Variants in DOCK1 observed in about 807,000 individuals in gnomAD.
DOCK1 encodes the protein dedicator of cytokinesis 1, also known as dedicator of cytokinesis protein 1.
In DOCK1, 138 loss-of-function variants were observed where a neutral mutation model predicts 262.7. That is an observed-to-expected ratio of 0.53 (90% confidence interval 0.46 to 0.61). The LOEUF (loss-of-function observed/expected upper bound fraction) is 0.61, where lower values mean the gene tolerates loss of function less well. Among genes scored for constraint, DOCK1 ranks in the 20% least tolerant of loss-of-function variants. The pLI is 0.00. For missense variants in DOCK1, 1,908 were observed against 2,370.7 expected (o/e 0.80, Z 4.05); for synonymous variants, 866 against 867.4 (o/e 1.00, Z 0.03).
At chr10:127,286,866 CT>C (rs1328855176) in intron 29 of DOCK1, among the ~76,000 whole-genome samples, 1,737 of 142,382 alleles carry the variant, frequency 0.012, 30 homozygotes, top group African/African-American at 0.037. Flanking sequence ...TACTTTTTTT[CT>C]TTTTTTTTTT....
chr10:127,347,268 C>T (rs1401514824), intron 31 of DOCK1, among the ~76,000 whole-genome samples: 4 of 152,174 alleles, frequency 2.6e-5, no homozygotes, highest in East Asian at 1.9e-4. Context: ...GTCCCGGTGC[C>T]GGGGACAAAG....
At chr10:126,949,945 T>C (rs2036049004) in intron 1 of DOCK1, among the ~76,000 whole-genome samples, 1 of 152,036 alleles carries the variant, frequency 6.6e-6, no homozygotes, top group South Asian at 2.1e-4. Flanking sequence ...GCATGCAGTG[T>C]TGTGGCTAGG....
intron 29 of DOCK1, among the ~76,000 whole-genome samples, chr10:127,291,653 C>T (rs1177547399): frequency 1.3e-5 from 2 of 152,202 alleles, no homozygotes; most frequent in Non-Finnish European, 2.9e-5. Flanking sequence ...GCAGCTGAGC[C>T]TGCATCCCCA....
At chr10:127,204,089 C>T (rs1474643279) in intron 27 of DOCK1, among the ~76,000 whole-genome samples, 3 of 152,050 alleles carry the variant, frequency 2.0e-5, no homozygotes, top group Non-Finnish European at 4.4e-5. Context: ...GGCACCTTCT[C>T]CCCCTTGCCT....
Position 126,921,502 on chromosome 10 carries a change from A to G in DOCK1, c.46+15939A>G, listed in dbSNP as rs116076054. Among the ~76,000 whole-genome samples, 945 of 152,342 alleles carry G rather than the reference A, an allele frequency of 6.2e-3. 10 individuals are homozygous for G. The highest frequency in any genetic ancestry group is 0.022 in the African/African-American group (902 of 41,588). On this transcript the variant is annotated intron_variant, in intron 1 of 51. Coordinates refer to ENST00000623213, the MANE Select transcript of DOCK1 (RefSeq NM_001290223.2). ...TCTGTTTATATGAAATGTCCAGAAT[A>G]GGCAAATCTGTAGGCACAGAAAGCA...
chr10:127,376,016 A>G (rs1021137927), intron 35 of DOCK1, among the ~76,000 whole-genome samples: 30 of 152,218 alleles, frequency 2.0e-4, no homozygotes, highest in African/African-American at 7.0e-4. Flanking sequence ...TACCCAGTCC[A>G]TCATATTCAC....
intron 27 of DOCK1, chr10:127,145,870 C>A (rs1592214105): frequency 2.5e-6 from 1 of 399,032 alleles, no homozygotes; most frequent in South Asian, 1.9e-5. Flanking sequence ...TTGTGTGTGT[C>A]ATCTGGTGTC....
intron 27 of DOCK1, among the ~76,000 whole-genome samples, chr10:127,230,616 G>T (rs1280756006): frequency 6.6e-6 from 1 of 152,050 alleles, no homozygotes; most frequent in Non-Finnish European, 1.5e-5. Flanking sequence ...TGTTTCATTG[G>T]TCGATGAGTC....
chr10:127,217,522 A>C (rs980171471), intron 27 of DOCK1, among the ~76,000 whole-genome samples: 1 of 152,084 alleles, frequency 6.6e-6, no homozygotes, highest in African/African-American at 2.4e-5. Flanking sequence ...ACATATCTTT[A>C]TTTTCAGTTA....
At chr10:127,114,957 G>A (rs995023773) in intron 25 of DOCK1, among the ~76,000 whole-genome samples, 2 of 151,952 alleles carry the variant, frequency 1.3e-5, no homozygotes, top group Non-Finnish European at 2.9e-5. Flanking sequence ...CGGTTTCACC[G>A]TGTTGGCTGG....
Position 126,924,330 on chromosome 10 carries a change from G to T in DOCK1, c.46+18767G>T, listed in dbSNP as rs1349263043. 5.2e-3 allele frequency among the ~76,000 whole-genome samples: 642 copies of T among 123,088 alleles called. 3 individuals are homozygous for T. The highest frequency in any genetic ancestry group is 0.021 in the African/African-American group (598 of 28,820). 80.8% of individuals were successfully genotyped at this position (123,088 alleles called of 152,430 possible). On this transcript the variant is annotated intron_variant, in intron 1 of 51. Transcript: ENST00000623213. Reference sequence around the variant, plus strand: ...GGCTGTGAGTGCTGGAACTCAGTAGGGGGAGGCTGTGAGTGCTGGAACTCA... The same window carrying T: ...GGCTGTGAGTGCTGGAACTCAGTAGTGGGAGGCTGTGAGTGCTGGAACTCA...
chr10:127,409,151 G>A lies in DOCK1; in HGVS notation c.4237G>A (p.Asp1413Asn), dbSNP rs763142156. 44 of 1,613,120 alleles carry A rather than the reference G, an allele frequency of 2.7e-5. 1 individual carries two copies. Among genetic ancestry groups the A allele is most frequent in the South Asian group, 4.4e-5 (4 of 90,884 alleles). ...EKMKTTSPPGDDIKNSPGQYI... is the reference protein window; with the variant it reads ...EKMKTTSPPGNDIKNSPGQYI... ...AATGAAGACAACATCTCCACCAGGC[G>A]ACGATATTAAAAACTCTCCTGGCCA... Residue 1413 changes from aspartate (D) to asparagine (N), a missense_variant, in exon 41 of 52, where the codon GAC becomes AAC. Asp to Asn is a conservative substitution (Grantham distance 23). This residue lies in a region of DOCK1 where 267 missense variants were observed against 366.3 expected (regional missense o/e 0.73). Coordinates refer to ENST00000623213, the MANE Select transcript of DOCK1 (RefSeq NM_001290223.2).
chr10:127,036,641 C>T (rs1382429782), intron 18 of DOCK1, among the ~76,000 whole-genome samples: 3 of 152,002 alleles, frequency 2.0e-5, no homozygotes, highest in East Asian at 1.9e-4. Flanking sequence ...GGCATATGTA[C>T]TTTCCTAGAG....
intron 28 of DOCK1, among the ~76,000 whole-genome samples, chr10:127,249,133 T>G (rs2134802310): frequency 6.6e-6 from 1 of 152,250 alleles, no homozygotes; most frequent in African/African-American, 2.4e-5. Flanking sequence ...AGTGTACTAG[T>G]GTTTCTAGAA....
At chr10:127,024,909 C>T in intron 15 of DOCK1, 126 bp downstream of exon 15, 1 of 714,970 alleles carries the variant, frequency 1.4e-6, no homozygotes, top group East Asian at 2.8e-5. Context: ...TGTCTCCCAA[C>T]AAAGTCATTC....
chr10:127,330,720 T>C (rs10764970), intron 29 of DOCK1, among the ~76,000 whole-genome samples: 50,045 of 152,070 alleles, frequency 0.33, 8,610 homozygotes, highest in East Asian at 0.51. Flanking sequence ...AGCAAGCACT[T>C]CCAGGGAGGA....
chr10:127,404,498 A>G (rs2067401455), intron 40 of DOCK1, 69 bp downstream of exon 40: 1 of 1,462,586 alleles, frequency 6.8e-7, no homozygotes. Context: ...TCCCGTTCTG[A>G]GGAAGGGTGG....
At chr10:126,983,171 A>G (rs1051110202) in intron 4 of DOCK1, among the ~76,000 whole-genome samples, 2 of 152,018 alleles carry the variant, frequency 1.3e-5, no homozygotes, top group African/African-American at 2.4e-5. Flanking sequence ...TTTAGAAACA[A>G]TTTCCCTGCC....
intron 1 of DOCK1, among the ~76,000 whole-genome samples, chr10:126,947,010 C>G (rs1022774783): frequency 9.2e-5 from 14 of 152,334 alleles, no homozygotes; most frequent in Non-Finnish European, 1.8e-4. Context: ...ATCCCTGGCC[C>G]ATGACTGGGG....
Sources: gnomAD v4.1 joint callset for allele counts (sites outside exome capture counted in the v4.1 genomes callset) on GRCh38, gnomAD v4.1.1 for gene constraint, gnomAD v4.1.1 regional missense constraint, MANE v1.5 for transcripts, NCBI Gene and HGNC (gene_info 2026-07-23, HGNC 2026-07-21) for gene names.